RCL1: variants seen among roughly 807,000 people sequenced by gnomAD.
The protein encoded by RCL1 is RNA terminal phosphate cyclase like 1.
Under a neutral mutation model 42.4 loss-of-function variants are expected in RCL1, and 24 were observed. The observed-to-expected ratio is 0.57, with a 90% confidence interval of 0.41 to 0.80. RCL1 has a LOEUF of 0.80. Ranked by LOEUF, RCL1 falls within the 30% of genes least tolerant of loss-of-function variation. The probability of loss-of-function intolerance (pLI) is 0.00; values close to 1 mark genes in which losing one functional copy is unlikely to be tolerated. For missense variants in RCL1, 578 were observed against 467.9 expected (o/e 1.24, Z -2.17); for synonymous variants, 228 against 177.3 (o/e 1.29, Z -2.27).
At chr9:4,811,197 A>T (rs150940297) in intron 1 of RCL1, among the ~76,000 whole-genome samples, 3,384 of 151,778 alleles carry the variant, frequency 0.022, 57 homozygotes, top group African/African-American at 0.046. Flanking sequence ...TGGGAGGATC[A>T]CTTGAGCCCA....
At chr9:4,810,891 T>G (rs1816150161) in intron 1 of RCL1, among the ~76,000 whole-genome samples, 1 of 152,200 alleles carries the variant, frequency 6.6e-6, no homozygotes, top group South Asian at 2.1e-4. Context: ...CACCCTTTCT[T>G]TTGCTTTCAT....
intron 3 of RCL1, 124 bp downstream of exon 3, chr9:4,827,157 A>G: frequency 6.4e-7 from 1 of 1,553,730 alleles, no homozygotes; most frequent in Non-Finnish European, 8.7e-7. Flanking sequence ...TTTGTTATTT[A>G]CTTTGAGATT....
intron 1 of RCL1, among the ~76,000 whole-genome samples, chr9:4,794,640 C>CTT (rs5896092): frequency 1.1e-3 from 156 of 147,520 alleles, no homozygotes; most frequent in Non-Finnish European, 1.1e-3. Context: ...GTAGGCATAA[C>CTT]TTTTTTTTTT....
Position 4,849,430 on chromosome 9 carries a change from T to C in RCL1, c.868-17T>C, listed in dbSNP as rs1817637985. On this transcript the variant is annotated splice_polypyrimidine_tract_variant and intron_variant, in intron 7 of 8. Coordinates refer to ENST00000381750, the MANE Select transcript of RCL1 (RefSeq NM_005772.5). ...TTCCATTTTCTGGTTTGTACAATTA[T>C]TAATTTGTGTTTACAGGGTGGATGC... 2.5e-6 allele frequency: 4 copies of C among 1,595,548 alleles called. No homozygotes were observed. The highest frequency in any genetic ancestry group is 1.7e-5 in the Admixed American group (1 of 59,930).
intron 5 of RCL1, among the ~76,000 whole-genome samples, chr9:4,834,768 T>C (rs1242678454): frequency 3.9e-5 from 6 of 152,222 alleles, no homozygotes; most frequent in Non-Finnish European, 8.8e-5. Flanking sequence ...AAGTATTTAC[T>C]CTGCATCTAC....
chr9:4,812,026 G>A (rs1816197091), intron 1 of RCL1, among the ~76,000 whole-genome samples: 1 of 152,084 alleles, frequency 6.6e-6, no homozygotes, highest in Non-Finnish European at 1.5e-5. Context: ...CTTTTTTGCT[G>A]ACTTTTAAAA....
rs534576388 is a variant in RCL1, at chr9:4,861,048, A to G, written c.*773A>G. ...TTGAAATGTATAATGTAAAGACATTAAATCTCCTCATTTAAGGATCTAAGT... is the reference window on the plus strand; with the variant it reads ...TTGAAATGTATAATGTAAAGACATTGAATCTCCTCATTTAAGGATCTAAGT... On this transcript the variant is annotated 3_prime_UTR_variant, in exon 9 of 9. Coordinates refer to ENST00000381750, the MANE Select transcript of RCL1 (RefSeq NM_005772.5). The G allele has an allele frequency of 6.6e-6, 1 of 152,374 alleles. No homozygotes were observed. Among genetic ancestry groups the G allele is most frequent in the South Asian group, 2.1e-4 (1 of 4,834 alleles). 9.4% of individuals were successfully genotyped at this position (152,374 alleles called of 1,614,324 possible).
rs115634227 is a variant in RCL1 at position 4,826,964 on chromosome 9, G to T, written c.315G>T (p.Leu105Phe). The T allele has an allele frequency of 1.3e-5, 21 of 1,614,050 alleles. No individual in the cohort carries two copies. In the East Asian group the frequency reaches 4.7e-4, roughly 36 times the overall value. The stretch of plus-strand genomic sequence containing the variant: ...ATTACCTGGAGAGTCTTCTTTGCTT[G>T]GCTCCATTTATGAAGCACCCGTTAA... ...IGYYLESLLC[L>F]APFMKHPLKI... The change falls in exon 3 of 9, where the codon TTG (leucine) becomes TTT (phenylalanine). Residue 105 changes from leucine to phenylalanine, a missense_variant. Transcript: ENST00000381750.
chr9:4,823,786 A>G (rs1816669048), intron 2 of RCL1, among the ~76,000 whole-genome samples, 167 bp downstream of exon 2: 1 of 152,018 alleles, frequency 6.6e-6, no homozygotes, highest in South Asian at 2.1e-4. Context: ...ACTTTGTATT[A>G]TATAAATCAC....
At position 4,823,612 on chromosome 9, in the gene RCL1, C is replaced by T; in HGVS notation, c.201C>T (p.Asn67=). The change falls in exon 2 of 9, where the codon AAC becomes AAT. Residue 67 remains asparagine, a synonymous_variant. Coordinates refer to ENST00000381750, the MANE Select transcript of RCL1 (RefSeq NM_005772.5). Reference sequence around the variant, plus strand: ...CGAATGGTTCTCGAATTGAAATAAACCAAACAGGTAAGCTCCTTTTAGATT... The same window carrying T: ...CGAATGGTTCTCGAATTGAAATAAATCAAACAGGTAAGCTCCTTTTAGATT... ...KITNGSRIEI[N]QTGTTLYYQP... 3 of 1,609,610 alleles carry T rather than the reference C, an allele frequency of 1.9e-6. No individual in the cohort carries two copies. The highest frequency in any genetic ancestry group is 1.1e-5 in the South Asian group (1 of 90,580).
chr9:4,824,291 T>A (rs1214354930), intron 2 of RCL1, among the ~76,000 whole-genome samples: 1 of 152,080 alleles, frequency 6.6e-6, no homozygotes, highest in Non-Finnish European at 1.5e-5. Flanking sequence ...GGGTAGCCAC[T>A]GTCACAGCAT....
chr9:4,825,559 C>T (rs1294075692), intron 2 of RCL1, among the ~76,000 whole-genome samples: 1 of 152,030 alleles, frequency 6.6e-6, no homozygotes, highest in Non-Finnish European at 1.5e-5. Flanking sequence ...TTATGAAAGT[C>T]CCAAGAACTT....
chr9:4,849,385 C>G, intron 7 of RCL1, 62 bp from the exon 8 acceptor site: 4 of 1,161,392 alleles, frequency 3.4e-6, no homozygotes, highest in Non-Finnish European at 4.9e-6. Context: ...TTTTTTTTTT[C>G]CTCCTCTCTT....
chr9:4,801,518 C>G (rs1337202855), intron 1 of RCL1, among the ~76,000 whole-genome samples: 1 of 152,104 alleles, frequency 6.6e-6, no homozygotes, highest in African/African-American at 2.4e-5. Flanking sequence ...ATATGCTAGT[C>G]TTTTGGCAGA....
chr9:4,853,376 C>CA (rs1817820951), intron 8 of RCL1, among the ~76,000 whole-genome samples: 1 of 149,836 alleles, frequency 6.7e-6, no homozygotes, highest in African/African-American at 2.5e-5. Flanking sequence ...AGGCTGAGTG[C>CA]AGTGGCGCGA....
At chr9:4,858,115 A>T (rs1818026189) in intron 8 of RCL1, among the ~76,000 whole-genome samples, 1 of 151,776 alleles carries the variant, frequency 6.6e-6, no homozygotes, top group Non-Finnish European at 1.5e-5. Context: ...GCCCCAAGCA[A>T]TTTGCCTGCC....
rs535607645 is a variant in RCL1, at chr9:4,844,609, C to G, written c.795C>G (p.Gly265=). The G allele has an allele frequency of 6.2e-7, 1 of 1,614,060 alleles. No homozygotes were observed. Among genetic ancestry groups the G allele is most frequent in the South Asian group, 1.1e-5 (1 of 91,066 alleles). Residue 265 remains glycine, a synonymous_variant, in exon 7 of 9, where the codon GGC becomes GGG. Coordinates refer to ENST00000381750, the MANE Select transcript of RCL1 (RefSeq NM_005772.5). ...CTGAACTGGCCTCCAACCCCCAGGG[C>G]CAGGGAGCAGCAGTACTTCCAGAGG... is the stretch of plus-strand genomic sequence containing the variant. ...LSAELASNPQ[G]QGAAVLPEDL...
At chr9:4,814,219 T>G (rs1056934514) in intron 1 of RCL1, among the ~76,000 whole-genome samples, 1 of 114,500 alleles carries the variant, frequency 8.7e-6, no homozygotes, top group South Asian at 2.7e-4. Flanking sequence ...ACAGCCTTTA[T>G]TGTGTTGAGG....
chr9:4,830,155 G>C (rs1215687150), intron 3 of RCL1, among the ~76,000 whole-genome samples: 2 of 152,208 alleles, frequency 1.3e-5, no homozygotes, highest in Non-Finnish European at 2.9e-5. Context: ...GTCAGACTGA[G>C]CAGTGAGACA....
Sources: allele counts gnomAD v4.1 joint callset (sites outside exome capture counted in the v4.1 genomes callset), GRCh38; gene constraint gnomAD v4.1.1; transcripts MANE v1.5; gene names NCBI Gene and HGNC (gene_info 2026-07-23, HGNC 2026-07-21).